PHF14: variants seen among roughly 807,000 people sequenced by gnomAD.
PHF14 encodes the protein PHD finger protein 14.
In PHF14, 55 loss-of-function variants were observed where a neutral mutation model predicts 117.9. That is an observed-to-expected ratio of 0.47 (90% CI 0.38 to 0.58). PHF14 has a LOEUF of 0.58. Ranked by LOEUF, PHF14 falls within the 20% of genes least tolerant of loss-of-function variation. PHF14 has a pLI of 0.00. For synonymous variants in PHF14, 409 were observed against 368.6 expected (o/e 1.11, Z -1.26); for missense variants, 978 against 1,122.2 (o/e 0.87, Z 1.84).
intron 16 of PHF14, among the ~76,000 whole-genome samples, chr7:11,099,289 T>C (rs1328994884): frequency 2.0e-5 from 3 of 152,146 alleles, no homozygotes; most frequent in Admixed American, 1.3e-4. Context: ...ACATCAGACC[T>C]TTAAGTGTCT....
At chr7:11,054,455 A>G (rs916375469) in intron 14 of PHF14, among the ~76,000 whole-genome samples, 1 of 152,140 alleles carries the variant, frequency 6.6e-6, no homozygotes, top group Non-Finnish European at 1.5e-5. Context: ...GTATCATACT[A>G]AACTGTTCAA....
intron 4 of PHF14, among the ~76,000 whole-genome samples, chr7:10,998,356 A>T (rs1782737656): frequency 6.6e-6 from 1 of 152,120 alleles, no homozygotes; most frequent in South Asian, 2.1e-4. Context: ...AGATTTGGGG[A>T]GGCAGAGTTG....
At chr7:10,996,089 A>G (rs1252985608) in intron 4 of PHF14, among the ~76,000 whole-genome samples, 1 of 152,180 alleles carries the variant, frequency 6.6e-6, no homozygotes, top group African/African-American at 2.4e-5. Context: ...GTCACCTATC[A>G]TTATGATGGA....
At chr7:11,057,086 T>C (rs2353343) in intron 14 of PHF14, among the ~76,000 whole-genome samples, 17,796 of 152,068 alleles carry the variant, frequency 0.12, 1,300 homozygotes, top group African/African-American at 0.21. Context: ...TTTGTATAAA[T>C]ATTGATATGT....
intron 11 of PHF14, among the ~76,000 whole-genome samples, chr7:11,039,617 C>T (rs990198426): frequency 2.0e-5 from 3 of 152,068 alleles, no homozygotes; most frequent in Admixed American, 6.5e-5. Context: ...AGGAGCTTTT[C>T]GAACAGATAT....
intron 16 of PHF14, chr7:11,108,650 T>G (rs998904392): frequency 5.3e-5 from 8 of 151,800 alleles, no homozygotes; most frequent in South Asian, 4.1e-4. Flanking sequence ...AGCTAGCATA[T>G]AAAATCTTTC....
intron 3 of PHF14, among the ~76,000 whole-genome samples, chr7:10,984,493 G>A (rs753061497): frequency 8.1e-4 from 124 of 152,244 alleles, no homozygotes; most frequent in Admixed American, 1.2e-3. Flanking sequence ...AAACAGGCAT[G>A]GAAAAATCTA....
rs1037175946 is a variant in PHF14, at chr7:11,062,937, G to A, written c.2654+852G>A. ...AAAAATTGTCTTCTGGTAAAGCCCT[G>A]TTAAATTAACTGAGGACACAGAAAT... On this transcript the variant is annotated intron_variant, in intron 16 of 17. Coordinates refer to ENST00000634607, the MANE Select transcript of PHF14 (RefSeq NM_001007157.2). The A allele has an allele frequency of 3.9e-5, 38 of 973,078 alleles. No homozygotes were observed. The African/African-American group carries it at 6.3e-4, about 16-fold the overall frequency. The allele number at this position is 973,078 out of a possible 1,614,324, so 60.3% of individuals were successfully genotyped here.
intron 16 of PHF14, among the ~76,000 whole-genome samples, chr7:11,090,821 G>C (rs1254911975): frequency 6.6e-6 from 1 of 152,162 alleles, no homozygotes; most frequent in African/African-American, 2.4e-5. Context: ...ATTCCTAAAA[G>C]GATAAAGAAG....
intron 4 of PHF14, among the ~76,000 whole-genome samples, chr7:10,995,737 G>A (rs1782620751): frequency 6.6e-6 from 1 of 152,308 alleles, no homozygotes; most frequent in Non-Finnish European, 1.5e-5. Flanking sequence ...TGAGAGCAGC[G>A]CCGGCGGGCC....
At chr7:11,151,149 G>T (rs1788691728) in intron 17 of PHF14, among the ~76,000 whole-genome samples, 1 of 152,114 alleles carries the variant, frequency 6.6e-6, no homozygotes, top group African/African-American at 2.4e-5. Context: ...TATATTATGA[G>T]AAATAGCACT....
rs1781778908 is a variant in PHF14 at position 10,974,135 on chromosome 7, C to CTT, written c.-189_-188insTT. The CTT allele has an allele frequency of 1.7e-6, 1 of 571,530 alleles. No individual in the cohort carries two copies. Among genetic ancestry groups the CTT allele is most frequent in the African/African-American group, 2.0e-5 (1 of 50,582 alleles). The allele number at this position is 571,530 out of a possible 1,614,324, so 35.4% of individuals were successfully genotyped here. A position where few individuals can be genotyped will look rare whatever the true frequency, so the allele number is the denominator to read the frequency against. On this transcript the variant is annotated 5_prime_UTR_variant, in exon 1 of 18. Transcript: ENST00000634607. ...TCGAGCGGCCAGGGCCAGGCGAGGC[C>CTT]GGGGGGGCGGGGGGTTAGGGGACCG... is the stretch of plus-strand genomic sequence containing the variant.
intron 16 of PHF14, among the ~76,000 whole-genome samples, chr7:11,095,292 G>A (rs1002255496): frequency 6.6e-6 from 1 of 152,164 alleles, no homozygotes; most frequent in African/African-American, 2.4e-5. Context: ...GGCAAGTGGA[G>A]ATTAAGTCAT....
chr7:11,074,512 G>A (rs936635529), intron 16 of PHF14, among the ~76,000 whole-genome samples: 8 of 152,028 alleles, frequency 5.3e-5, no homozygotes, highest in Non-Finnish European at 1.2e-4. Context: ...GCCTGGCCCC[G>A]TTAGTTCCAA....
Position 11,168,519 on chromosome 7 carries a change from T to C in PHF14, c.2773-897T>C, listed in dbSNP as rs376971538. On this transcript the variant is annotated intron_variant, in intron 17 of 17. Coordinates refer to ENST00000634607, the MANE Select transcript of PHF14 (RefSeq NM_001007157.2). ...AATTTGGTTTCATCAGATACAGAGA[T>C]AGAGTGGTATGTTTGATGATATTGA... Among the ~76,000 whole-genome samples the C allele has an allele frequency of 1.4e-4, 22 of 152,298 alleles. No homozygotes were observed. In the East Asian group the frequency reaches 3.5e-3, roughly 24 times the overall value.
intron 17 of PHF14, among the ~76,000 whole-genome samples, chr7:11,138,005 C>G (rs1409017535): frequency 6.6e-6 from 1 of 151,406 alleles, no homozygotes; most frequent in Non-Finnish European, 1.5e-5. Flanking sequence ...ATATCTGTGG[C>G]ATTAAAATTT....
At chr7:11,159,871 G>A (rs1180821279) in intron 17 of PHF14, among the ~76,000 whole-genome samples, 1 of 152,090 alleles carries the variant, frequency 6.6e-6, no homozygotes, top group Non-Finnish European at 1.5e-5. Flanking sequence ...AAATAAAAAG[G>A]GAATGAGAAG....
At chr7:11,078,627 G>C (rs220100) in intron 16 of PHF14, among the ~76,000 whole-genome samples, 146,771 of 152,274 alleles carry the variant, frequency 0.96, 70,768 homozygotes, top group East Asian at 1. Context: ...TGTAAGGAAT[G>C]TGAGTCATTT....
At chr7:10,977,506 C>CT (rs1781908085) in intron 2 of PHF14, among the ~76,000 whole-genome samples, 1 of 152,052 alleles carries the variant, frequency 6.6e-6, no homozygotes, top group African/African-American at 2.4e-5. Context: ...TAATTTAACT[C>CT]TATCATAAAA....
Sources: allele counts gnomAD v4.1 joint callset (sites outside exome capture counted in the v4.1 genomes callset), GRCh38; gene constraint gnomAD v4.1.1; transcripts MANE v1.5; gene names NCBI Gene and HGNC (gene_info 2026-07-23, HGNC 2026-07-21).